The following PPP2R5C variants were observed in gnomAD, a reference collection of about 807,000 sequenced individuals.
PPP2R5C encodes protein phosphatase 2 regulatory subunit B'gamma, also known as serine/threonine-protein phosphatase 2A 56 kDa regulatory subunit gamma isoform.
PPP2R5C carries 7 observed loss-of-function variants against 68.9 expected under a neutral mutation model. The observed-to-expected ratio is 0.10, with a 90% CI of 0.06 to 0.19. The LOEUF (loss-of-function observed/expected upper bound fraction) is 0.19, where lower values mean the gene tolerates loss of function less well. PPP2R5C is among the 10% of genes least tolerant of loss of function. The pLI is 1.00. For synonymous variants in PPP2R5C, 210 were observed against 222.2 expected, an observed-to-expected ratio of 0.95 and a Z score of 0.49; for missense variants, 348 against 641.3, an observed-to-expected ratio of 0.54 and a Z score of 4.94.
intron 13 of PPP2R5C, among the ~76,000 whole-genome samples, chr14:101,924,255 C>T (rs1023912613): frequency 6.6e-6 from 1 of 151,844 alleles, no homozygotes; most frequent in African/African-American, 2.4e-5. Flanking sequence ...ATACAGTTAT[C>T]CAAATCCTCA....
At chr14:101,817,668 C>T (rs1038106343) in intron 1 of PPP2R5C, among the ~76,000 whole-genome samples, 3 of 152,160 alleles carry the variant, frequency 2.0e-5, no homozygotes, top group African/African-American at 4.8e-5. Flanking sequence ...TGGAGCCACA[C>T]GCCAGGGTCA....
chr14:101,807,147 G>A (rs190104026), upstream of PPP2R5C, among the ~76,000 whole-genome samples: 41 of 151,144 alleles, frequency 2.7e-4, no homozygotes, highest in Admixed American at 2.3e-3. Context: ...TTTAAGCCAC[G>A]TCAAATTTTA....
intron 1 of PPP2R5C, chr14:101,839,564 A>C (rs924542010): frequency 6.6e-6 from 1 of 152,466 alleles, no homozygotes; most frequent in African/African-American, 2.4e-5. Context: ...CGGCCCTGTG[A>C]TCCCATGTCC....
rs189699788 is a variant in PPP2R5C, at chr14:101,818,495, C to T, written c.94+8459C>T. The T allele has an allele frequency of 1.9e-3, 297 of 155,510 alleles. 2 individuals are homozygous for T. The highest frequency in any genetic ancestry group is 6.2e-3 in the Admixed American group (99 of 15,884). The allele number at this position is 155,510 out of a possible 1,614,324, so 9.6% of individuals were successfully genotyped here. ...TACTAAAAATACAAAAATTAGCCAG[C>T]GTGGTGGCGGGTGCCTGTAATCCCA... is the stretch of plus-strand genomic sequence containing the variant. On this transcript the variant is annotated intron_variant, in intron 1 of 13. Transcript: ENST00000334743.
At chr14:101,837,247 G>A (rs1426988020) in intron 1 of PPP2R5C, among the ~76,000 whole-genome samples, 3 of 152,124 alleles carry the variant, frequency 2.0e-5, no homozygotes, top group Non-Finnish European at 4.4e-5. Context: ...GGGTTCAAGC[G>A]ATTCTCCTGC....
intron 9 of PPP2R5C, among the ~76,000 whole-genome samples, chr14:101,903,152 A>T (rs962836067): frequency 2.0e-5 from 3 of 151,954 alleles, no homozygotes; most frequent in African/African-American, 2.4e-5. Context: ...GCCCTGGCTG[A>T]AGTACAGGGC....
chr14:101,803,667 C>T (rs1043329386), intron 3 of PPP2R5C, among the ~76,000 whole-genome samples: 9 of 151,152 alleles, frequency 6.0e-5, no homozygotes, highest in Non-Finnish European at 8.8e-5. Flanking sequence ...GAGGTTGCAG[C>T]GAGCAGACAT....
At chr14:101,786,296 C>G in intron 3 of PPP2R5C, 113 bp downstream of exon 3, 1 of 971,400 alleles carries the variant, frequency 1.0e-6, no homozygotes, top group African/African-American at 1.7e-5. Flanking sequence ...GTGGGGTCAT[C>G]TTTTCTGTAT....
chr14:101,843,119 T>G (rs1468217007), intron 1 of PPP2R5C, among the ~76,000 whole-genome samples: 1 of 152,154 alleles, frequency 6.6e-6, no homozygotes, highest in Non-Finnish European at 1.5e-5. Flanking sequence ...TTCTAACTGC[T>G]TGGGAGGCTG....
At chr14:101,903,426 T>C (rs558929112) in intron 9 of PPP2R5C, among the ~76,000 whole-genome samples, 2 of 152,246 alleles carry the variant, frequency 1.3e-5, no homozygotes, top group Admixed American at 1.3e-4. Context: ...ACAGAAGCCT[T>C]CACGTCCCTG....
At chr14:101,866,944 C>T (rs1299192948) in intron 2 of PPP2R5C, among the ~76,000 whole-genome samples, 6 of 151,566 alleles carry the variant, frequency 4.0e-5, no homozygotes, top group East Asian at 3.9e-4. Flanking sequence ...AGGCCGGGCA[C>T]GGTGGCTCAC....
At chr14:101,784,928 G>GGGCCC (rs113188848) in intron 2 of PPP2R5C, among the ~76,000 whole-genome samples, 3,282 of 152,234 alleles carry the variant, frequency 0.022, 118 homozygotes, top group African/African-American at 0.075. Flanking sequence ...TGAACTCCAC[G>GGGCCC]GGCCCCCTTG....
At chr14:101,813,639 A>AATGAG (rs1377402235) in intron 1 of PPP2R5C, among the ~76,000 whole-genome samples, 4 of 152,216 alleles carry the variant, frequency 2.6e-5, no homozygotes, top group African/African-American at 7.2e-5. Flanking sequence ...GAAAGATGGT[A>AATGAG]ATGGCCAGAG....
At chr14:101,856,463 A>C (rs1297156478) in intron 1 of PPP2R5C, among the ~76,000 whole-genome samples, 1 of 152,180 alleles carries the variant, frequency 6.6e-6, no homozygotes, top group African/African-American at 2.4e-5. Context: ...GAAAGAGTTA[A>C]AAAGCATAAA....
At chr14:101,809,280 G>GA (rs978024331), upstream of PPP2R5C, among the ~76,000 whole-genome samples, 87 of 150,966 alleles carry the variant, frequency 5.8e-4, 1 homozygote, top group Non-Finnish European at 8.9e-5. Flanking sequence ...TAGATCTCAA[G>GA]AAAAAAAGTG....
intron 1 of PPP2R5C, among the ~76,000 whole-genome samples, chr14:101,816,921 TTATA>T (rs926445422): frequency 7.1e-6 from 1 of 141,014 alleles, no homozygotes. Flanking sequence ...ATATATATAT[TTATA>T]TAATATATAT....
At chr14:101,859,674 A>G (rs1020628576) in intron 2 of PPP2R5C, among the ~76,000 whole-genome samples, 1 of 152,154 alleles carries the variant, frequency 6.6e-6, no homozygotes, top group Admixed American at 6.5e-5. Context: ...CCCTCTTGTC[A>G]AGAATTTAAG....
upstream of PPP2R5C, among the ~76,000 whole-genome samples, chr14:101,761,570 G>A (rs929592022): frequency 2.1e-5 from 3 of 142,506 alleles, no homozygotes; most frequent in Admixed American, 1.4e-4. Flanking sequence ...AGTGCAGCGG[G>A]GCGGGGCCGG....
chr14:101,891,984 T>A lies in PPP2R5C; in HGVS notation c.690-1016T>A, dbSNP rs2044961863. Among the ~76,000 whole-genome samples the A allele has an allele frequency of 6.6e-6, 1 of 152,140 alleles. No individual in the cohort carries two copies. Among genetic ancestry groups the A allele is most frequent in the South Asian group, 2.1e-4 (1 of 4,828 alleles). Reference sequence around the variant, plus strand: ...TTTTGTTTTTGTTTTTGAGATAGAGTCTCGCTCTGTCACCGAGGCTGGAGT... The same window carrying A: ...TTTTGTTTTTGTTTTTGAGATAGAGACTCGCTCTGTCACCGAGGCTGGAGT... On this transcript the variant is annotated intron_variant, in intron 6 of 13. Transcript: ENST00000334743. This position sits in a 1 kb window ranked among gnomAD's most constrained non-coding sequence, Gnocchi z 4.9.
Sources: gnomAD v4.1 joint callset for allele counts (sites outside exome capture counted in the v4.1 genomes callset) on GRCh38, gnomAD v4.1.1 for gene constraint, Gnocchi (gnomAD v3.1) non-coding constraint, MANE v1.5 for transcripts, NCBI Gene and HGNC (gene_info 2026-07-23, HGNC 2026-07-21) for gene names.